Variants in CLCN1 observed in about 807,000 individuals in gnomAD.
CLCN1 encodes chloride voltage-gated channel 1.
In CLCN1, 100 loss-of-function variants were observed where a neutral mutation model predicts 114.5. That is an observed-to-expected ratio of 0.87 (90% CI 0.74 to 1.03). The LOEUF (loss-of-function observed/expected upper bound fraction) is 1.03, where lower values mean the gene tolerates loss of function less well. Ranked by LOEUF, CLCN1 falls within the 50% of genes least tolerant of loss-of-function variation. The pLI is 0.00. For missense variants in CLCN1, 1,188 were observed against 1,250.0 expected (o/e 0.95, Z 0.75); for synonymous variants, 485 against 487.1 (o/e 1.00, Z 0.06).
chr7:143,332,613 G>A (rs758183560), intron 11 of CLCN1, 110 bp downstream of exon 11: 11 of 1,534,746 alleles, frequency 7.2e-6, no homozygotes, highest in Non-Finnish European at 9.9e-6. Flanking sequence ...TTCTCCCTGA[G>A]AAAAGGGCAA....
chr7:143,319,646 A>C, intron 1 of CLCN1, 109 bp from the exon 2 acceptor site: 1 of 1,200,954 alleles, frequency 8.3e-7, no homozygotes, highest in Non-Finnish European at 1.2e-6. Flanking sequence ...CAACACCCAG[A>C]ATTCAAAAAG....
chr7:143,343,705 C>T lies in CLCN1; in HGVS notation c.1930+1200C>T, dbSNP rs867155778. Among the ~76,000 whole-genome samples, 65 of 151,454 alleles carry T rather than the reference C, an allele frequency of 4.3e-4. No homozygotes were observed. The Middle Eastern group carries it at 0.01, about 24-fold the overall frequency. On this transcript the variant is annotated intron_variant, in intron 16 of 22. Transcript: ENST00000343257. ...GTTGGAACTGTTTTCTTTCTTCCTT[C>T]CTTTCTTTCTCTTTCTTTCTTTCCT...
At position 143,319,870 on chromosome 7, in the gene CLCN1, G is replaced by A. The variant is rs1802379420; in HGVS notation, c.296G>A (p.Cys99Tyr). ...AAGGATGAGGATCACTATTCTAAAT[G>A]TCAAGGTGATGGGGACTGAGGAATA... is the stretch of plus-strand genomic sequence containing the variant. Reference protein sequence around the residue: ...DSKDEDHYSKCQDCIHRLGQV... With the variant: ...DSKDEDHYSKYQDCIHRLGQV... Residue 99 changes from cysteine to tyrosine, a missense_variant, in exon 2 of 23, where the codon TGT (cysteine) becomes TAT (tyrosine). Coordinates refer to ENST00000343257, the MANE Select transcript of CLCN1 (RefSeq NM_000083.3). The A allele has an allele frequency of 6.2e-7, 1 of 1,613,756 alleles. No homozygotes were observed. Among genetic ancestry groups the A allele is most frequent in the African/African-American group, 1.3e-5 (1 of 74,906 alleles).
rs779124611 is a variant in CLCN1 at position 143,331,345 on chromosome 7, G to C, written c.1064+29G>C. On this transcript the variant is annotated intron_variant, in intron 9 of 22. Transcript: ENST00000343257. ...AGTGGGGTTACCTGCTCTGTGTGTGGTGAGCAGGGTGTGGAGTGAGGCTGT... is the reference window on the plus strand; with the variant it reads ...AGTGGGGTTACCTGCTCTGTGTGTGCTGAGCAGGGTGTGGAGTGAGGCTGT... 6 of 1,485,048 alleles carry C rather than the reference G, an allele frequency of 4.0e-6. No individual in the cohort carries two copies. The East Asian group carries it at 1.1e-4, about 28-fold the overall frequency. The allele number at this position is 1,485,048 out of a possible 1,614,324, so 92.0% of individuals were successfully genotyped here.
At chr7:143,330,950 G>A in intron 8 of CLCN1, 53 bp downstream of exon 8, 3 of 1,613,426 alleles carry the variant, frequency 1.9e-6, no homozygotes, top group South Asian at 1.1e-5. Flanking sequence ...AGCTGGGAAT[G>A]GGGTGCAGAG....
chr7:143,345,612 C>G lies in CLCN1; in HGVS notation c.2022C>G (p.Ala674=), dbSNP rs762947178. 3.3e-5 allele frequency: 51 copies of G among 1,557,556 alleles called. No individual in the cohort carries two copies. Among genetic ancestry groups the G allele is most frequent in the Non-Finnish European group, 4.3e-5 (49 of 1,151,214 alleles). Reference sequence around the variant, plus strand: ...GTCCTGAGCGCAGGCTGCGCGCAGCCCAAGAGATGGCGCGGAAGTTGTCGG... The same window carrying G: ...GTCCTGAGCGCAGGCTGCGCGCAGCGCAAGAGATGGCGCGGAAGTTGTCGG... The part of the protein sequence containing the change: ...HLCPERRLRA[A]QEMARKLSEL... The change falls in exon 17 of 23, where the codon GCC becomes GCG. Residue 674 remains alanine, a synonymous_variant. Coordinates refer to ENST00000343257, the MANE Select transcript of CLCN1 (RefSeq NM_000083.3).
intron 7 of CLCN1, among the ~76,000 whole-genome samples, chr7:143,327,311 A>G (rs2116846963): frequency 6.6e-6 from 1 of 152,262 alleles, no homozygotes; most frequent in South Asian, 2.1e-4. Context: ...GGGAATATCC[A>G]AAATGTGTCT....
chr7:143,330,595 C>T (rs1357270280), intron 7 of CLCN1, among the ~76,000 whole-genome samples, 177 bp from the exon 8 acceptor site: 1 of 152,168 alleles, frequency 6.6e-6, no homozygotes, highest in Admixed American at 6.5e-5. Flanking sequence ...ATAAAAAACT[C>T]CTAGCCTGAG....
At chr7:143,336,878 GAC>G (rs1802919106) in intron 12 of CLCN1, among the ~76,000 whole-genome samples, 1 of 152,116 alleles carries the variant, frequency 6.6e-6, no homozygotes, top group African/African-American at 2.4e-5. Context: ...TCTGAAATCA[GAC>G]CTATTGGTTA....
chr7:143,332,806 A>C lies in CLCN1; in HGVS notation c.1334A>C (p.Gln445Pro). 6.2e-7 allele frequency: 1 copy of C among 1,614,200 alleles called. No individual in the cohort carries two copies. The highest frequency in any genetic ancestry group is 8.5e-7 in the Non-Finnish European group (1 of 1,180,024). Reference protein sequence around the residue: ...KHAGDPESLGQSAVWIHPRVN... With the variant: ...KHAGDPESLGPSAVWIHPRVN... ...GCGGGTGATCCTGAGAGCCTGGGCC[A>C]GTCAGCTGTGTGGATTCACCCCCGG... Residue 445 changes from glutamine (Q) to proline (P), a missense_variant, in exon 12 of 23, where the codon CAG becomes CCG. Transcript: ENST00000343257.
intron 1 of CLCN1, among the ~76,000 whole-genome samples, chr7:143,317,570 T>C (rs1802320220): frequency 6.6e-6 from 1 of 151,584 alleles, no homozygotes; most frequent in African/African-American, 2.4e-5. Context: ...AAAAGGCTTT[T>C]TTTTCTTTCT....
At chr7:143,320,569 CT>C in intron 2 of CLCN1, 94 bp from the exon 3 acceptor site, 1 of 774,748 alleles carries the variant, frequency 1.3e-6, no homozygotes, top group Non-Finnish European at 2.0e-6. Flanking sequence ...CTCTCTCTCT[CT>C]CTCTCTCTCT....
At chr7:143,316,969 T>C (rs1802304450) in intron 1 of CLCN1, among the ~76,000 whole-genome samples, 2 of 152,096 alleles carry the variant, frequency 1.3e-5, no homozygotes, top group South Asian at 4.1e-4. Context: ...ACCTATTAAG[T>C]GTTAGGCACC....
intron 1 of CLCN1, 146 bp downstream of exon 1, chr7:143,316,538 A>T: frequency 2.7e-6 from 2 of 748,688 alleles, no homozygotes; most frequent in Non-Finnish European, 4.3e-6. Context: ...ATGTGTTCAA[A>T]ATATGAAAAT....
chr7:143,349,562 C>T (rs950705363), intron 20 of CLCN1, among the ~76,000 whole-genome samples: 3 of 152,154 alleles, frequency 2.0e-5, no homozygotes, highest in East Asian at 1.9e-4. Flanking sequence ...TTTTGGTGTG[C>T]GTATCTAAAG....
chr7:143,334,418 C>T (rs1332208839), intron 12 of CLCN1, among the ~76,000 whole-genome samples: 2 of 151,910 alleles, frequency 1.3e-5, no homozygotes, highest in Non-Finnish European at 2.9e-5. Context: ...CTATGTTTTC[C>T]CAGGATATGA....
rs1161052414 is a variant in CLCN1 at position 143,342,072 on chromosome 7, T to G, written c.1726T>G (p.Ser576Ala). The change falls in exon 15 of 23, where the codon TCT becomes GCT. Residue 576 changes from serine to alanine, a missense_variant. Ser to Ala is a moderately conservative substitution (Grantham distance 99). Coordinates refer to ENST00000343257, the MANE Select transcript of CLCN1 (RefSeq NM_000083.3). ...ANMVAQSLQP[S>A]LYDSIIQVKK... ...CATGGTGGCCCAGAGCCTGCAGCCCTCTCTCTATGACAGCATCATCCAGGT... is the reference window on the plus strand; with the variant it reads ...CATGGTGGCCCAGAGCCTGCAGCCCGCTCTCTATGACAGCATCATCCAGGT... 1 of 1,614,008 alleles carries G rather than the reference T, an allele frequency of 6.2e-7. No individual in the cohort carries two copies. The highest frequency in any genetic ancestry group is 1.3e-5 in the African/African-American group (1 of 74,918).
chr7:143,331,638 G>A lies in CLCN1; in HGVS notation c.1152G>A (p.Gln384=). The change falls in exon 10 of 23, where the codon CAG becomes CAA. Residue 384 remains glutamine, a synonymous_variant. Coordinates refer to ENST00000343257, the MANE Select transcript of CLCN1 (RefSeq NM_000083.3). ...LGVRKHKALS[Q]FLAKHRLLYP... ...TCCGAAAGCACAAGGCCCTCAGCCA[G>A]TTTCTTGCTAAGCAGTGAGTCACTG... is the stretch of plus-strand genomic sequence containing the variant. 6.2e-7 allele frequency: 1 copy of A among 1,613,512 alleles called. No homozygotes were observed. The highest frequency in any genetic ancestry group is 8.5e-7 in the Non-Finnish European group (1 of 1,179,420).
At chr7:143,320,563 C>G in intron 2 of CLCN1, 101 bp from the exon 3 acceptor site, 135 of 734,342 alleles carry the variant, frequency 1.8e-4, no homozygotes, top group Non-Finnish European at 2.3e-4. Context: ...TTCTCTCTCT[C>G]TCTCTCTCTC....
Sources: gnomAD v4.1 joint callset for allele counts (sites outside exome capture counted in the v4.1 genomes callset) on GRCh38, gnomAD v4.1.1 for gene constraint, MANE v1.5 for transcripts, NCBI Gene and HGNC (gene_info 2026-07-23, HGNC 2026-07-21) for gene names.